JAZF1: variants seen among roughly 807,000 people sequenced by gnomAD.
JAZF1 encodes juxtaposed with another zinc finger protein 1.
Under a neutral mutation model 26.4 loss-of-function variants are expected in JAZF1, and 8 were observed. That is an observed-to-expected ratio of 0.30 (90% CI 0.18 to 0.55). The LOEUF (loss-of-function observed/expected upper bound fraction) is 0.55. Ranked by LOEUF, JAZF1 falls within the 20% of genes least tolerant of loss-of-function variation. The pLI is 0.94. For missense variants in JAZF1, 199 were observed against 322.0 expected (o/e 0.62, Z 2.92); for synonymous variants, 126 against 122.3 (o/e 1.03, Z -0.20).
At chr7:27,880,757 C>T (rs948034363) in intron 3 of JAZF1, among the ~76,000 whole-genome samples, 1 of 152,188 alleles carries the variant, frequency 6.6e-6, no homozygotes, top group Non-Finnish European at 1.5e-5. Context: ...CTCAATCTCC[C>T]AGGCTCAGGT....
At chr7:28,093,597 T>C (rs992366796) in intron 1 of JAZF1, among the ~76,000 whole-genome samples, 1 of 152,238 alleles carries the variant, frequency 6.6e-6, no homozygotes, top group African/African-American at 2.4e-5. Context: ...TATGTTCCTT[T>C]CAATTTACTA....
intron 1 of JAZF1, among the ~76,000 whole-genome samples, chr7:28,118,761 TAC>T (rs10612400): frequency 0.05 from 7,439 of 148,710 alleles, 360 homozygotes; most frequent in East Asian, 0.2. Flanking sequence ...AAGAGAGTTT[TAC>T]ACACACACAC....
chr7:27,964,196 C>G (rs1489365066), intron 2 of JAZF1, among the ~76,000 whole-genome samples: 2 of 152,066 alleles, frequency 1.3e-5, no homozygotes, highest in African/African-American at 4.8e-5. Context: ...CATCTGTATC[C>G]TTTTTCCCCA....
At chr7:27,960,612 G>A (rs1450528127) in intron 2 of JAZF1, among the ~76,000 whole-genome samples, 1 of 152,212 alleles carries the variant, frequency 6.6e-6, no homozygotes, top group Non-Finnish European at 1.5e-5. Context: ...CAGCAGAGAG[G>A]GCTGAGGTTG....
chr7:28,000,618 CTTTCTTTTT>C (rs1278464573), intron 1 of JAZF1, among the ~76,000 whole-genome samples: 2 of 58,096 alleles, frequency 3.4e-5, no homozygotes, highest in African/African-American at 9.6e-5. Context: ...TTCTTTCTTT[CTTTCTTTTT>C]TTTTTTTTTT....
At chr7:28,047,118 C>T (rs931028871) in intron 1 of JAZF1, among the ~76,000 whole-genome samples, 19 of 152,078 alleles carry the variant, frequency 1.2e-4, no homozygotes, top group African/African-American at 3.9e-4. Flanking sequence ...TATCTATTTT[C>T]CCAAAGAGAT....
chr7:28,160,743 T>TGACA (rs1783271648), intron 1 of JAZF1, among the ~76,000 whole-genome samples: 1 of 152,192 alleles, frequency 6.6e-6, no homozygotes, highest in Non-Finnish European at 1.5e-5. Flanking sequence ...AACTTCAGCA[T>TGACA]GACAGTACCT....
intron 1 of JAZF1, among the ~76,000 whole-genome samples, chr7:28,174,807 C>T: frequency 1.3e-5 from 1 of 75,054 alleles, no homozygotes; most frequent in East Asian, 3.0e-4. Flanking sequence ...CTGATCCTGC[C>T]TATGGGGTGT....
chr7:28,179,787 CGCCCGCGGCCGCCGGCCCCG>C (rs1783608220), intron 1 of JAZF1, among the ~76,000 whole-genome samples: 1 of 147,932 alleles, frequency 6.8e-6, no homozygotes, highest in Admixed American at 6.7e-5. Context: ...CCCCGGCCCC[CGCCCGCGGCCGCCGGCCCCG>C]GCCCCCTCCC....
In JAZF1 at chr7:28,159,629, G is replaced by A. The variant is rs1468522899; in HGVS notation, c.115+20834C>T. Among the ~76,000 whole-genome samples, 8 of 152,256 alleles carry A rather than the reference G, an allele frequency of 5.3e-5. No homozygotes were observed. In the East Asian group the frequency reaches 1.4e-3, roughly 26 times the overall value. On this transcript the variant is annotated intron_variant, in intron 1 of 4. Coordinates refer to ENST00000283928, the MANE Select transcript of JAZF1 (RefSeq NM_175061.4). Reference sequence around the variant, plus strand: ...GAAGGATCACTCTTGCCGCTGTGGAGGACGAGCTCTAGGGTGGTGGAGAAA... The same window carrying A: ...GAAGGATCACTCTTGCCGCTGTGGAAGACGAGCTCTAGGGTGGTGGAGAAA...
chr7:27,850,791 C>T (rs1783130733), intron 3 of JAZF1, among the ~76,000 whole-genome samples: 1 of 151,032 alleles, frequency 6.6e-6, no homozygotes, highest in African/African-American at 2.4e-5. Context: ...TTTATCAAGC[C>T]ATCTTTCAGC....
At chr7:28,151,305 A>G (rs1196726174) in intron 1 of JAZF1, among the ~76,000 whole-genome samples, 3 of 151,424 alleles carry the variant, frequency 2.0e-5, no homozygotes, top group South Asian at 4.2e-4. Context: ...AGGTTTCACC[A>G]TGTTGCCCAG....
chr7:27,890,185 C>A (rs1254351113), intron 3 of JAZF1, among the ~76,000 whole-genome samples: 1 of 152,136 alleles, frequency 6.6e-6, no homozygotes, highest in Admixed American at 6.5e-5. Context: ...TAAAGTGGGG[C>A]AGGGAAGGTC....
intron 1 of JAZF1, among the ~76,000 whole-genome samples, chr7:27,998,982 T>A (rs10249449): frequency 0.029 from 4,427 of 152,292 alleles, 81 homozygotes; most frequent in Non-Finnish European, 0.047. Context: ...AAGTATAAGA[T>A]GTATAGTCCT....
chr7:28,104,643 C>T (rs1356798190), intron 1 of JAZF1, among the ~76,000 whole-genome samples: 1 of 152,116 alleles, frequency 6.6e-6, no homozygotes, highest in African/African-American at 2.4e-5. Flanking sequence ...TGTGATTCTC[C>T]ACCTCCCTCC....
intron 1 of JAZF1, among the ~76,000 whole-genome samples, chr7:28,117,244 AT>A (rs1446911390): frequency 1.3e-5 from 2 of 151,686 alleles, no homozygotes; most frequent in East Asian, 3.9e-4. Context: ...CAAATTTATC[AT>A]TTTTTTTAAT....
At chr7:27,938,058 T>C (rs1040563967) in intron 2 of JAZF1, among the ~76,000 whole-genome samples, 3 of 152,244 alleles carry the variant, frequency 2.0e-5, no homozygotes, top group Non-Finnish European at 4.4e-5. Flanking sequence ...ACTGAACCAA[T>C]CTCAAACTGA....
intron 2 of JAZF1, among the ~76,000 whole-genome samples, chr7:27,913,656 A>C (rs1784398961): frequency 6.6e-6 from 1 of 152,192 alleles, no homozygotes; most frequent in Non-Finnish European, 1.5e-5. Context: ...GAAGAAGAAA[A>C]TCCAACCCAC....
intron 1 of JAZF1, among the ~76,000 whole-genome samples, chr7:28,044,188 A>T (rs1783453612): frequency 6.6e-6 from 1 of 152,206 alleles, no homozygotes; most frequent in Non-Finnish European, 1.5e-5. Context: ...AATATATCTC[A>T]TCTCACTGAA....
Sources: gnomAD v4.1 joint callset for allele counts (sites outside exome capture counted in the v4.1 genomes callset) on GRCh38, gnomAD v4.1.1 for gene constraint, MANE v1.5 for transcripts, NCBI Gene and HGNC (gene_info 2026-07-23, HGNC 2026-07-21) for gene names.